KIFAP3: variants seen among roughly 807,000 people sequenced by gnomAD.
KIFAP3 encodes the protein kinesin associated protein 3, also known as kinesin-associated protein 3.
Under a neutral mutation model 106.5 loss-of-function variants are expected in KIFAP3, and 68 were observed. The observed-to-expected ratio is 0.64, with a 90% CI of 0.53 to 0.78. The LOEUF (loss-of-function observed/expected upper bound fraction) is 0.78. Ranked by LOEUF, KIFAP3 falls within the 30% of genes least tolerant of loss-of-function variation. KIFAP3 has a pLI of 0.00. For synonymous variants in KIFAP3, 320 were observed against 311.5 expected, an observed-to-expected ratio of 1.03 and a Z score of -0.29; for missense variants, 780 against 941.8, an observed-to-expected ratio of 0.83 and a Z score of 2.25.
intron 19 of KIFAP3, among the ~76,000 whole-genome samples, chr1:169,941,744 G>A (rs915090818): frequency 6.6e-6 from 1 of 152,042 alleles, no homozygotes; most frequent in Non-Finnish European, 1.5e-5. Context: ...ACTTCCAGTT[G>A]CCAACCACAA....
At position 170,074,500 on chromosome 1, in the gene KIFAP3, G is replaced by A; in HGVS notation, c.-33C>T. The A allele has an allele frequency of 3.7e-6, 6 of 1,613,838 alleles. No homozygotes were observed. The highest frequency in any genetic ancestry group is 3.4e-6 in the Non-Finnish European group (4 of 1,179,910). On this transcript the variant is annotated 5_prime_UTR_variant, in exon 1 of 20. Coordinates refer to ENST00000361580, the MANE Select transcript of KIFAP3 (RefSeq NM_014970.4). ...GCGGCAGCGGCGTGGAGAGGATGGG[G>A]TATCTTGAGAGGCAGGCGCGGTTAT...
At chr1:170,015,862 T>C (rs1024323122) in intron 10 of KIFAP3, among the ~76,000 whole-genome samples, 15 of 152,218 alleles carry the variant, frequency 9.9e-5, no homozygotes, top group African/African-American at 3.1e-4. Flanking sequence ...GACAGGTATC[T>C]TGCTGGCAGC....
intron 19 of KIFAP3, among the ~76,000 whole-genome samples, chr1:169,929,704 T>A (rs1663357210): frequency 6.6e-6 from 1 of 152,154 alleles, no homozygotes; most frequent in South Asian, 2.1e-4. Context: ...ACAATAAAAC[T>A]AAATGGCTAC....
At chr1:170,075,813 A>T (rs762548079), upstream of KIFAP3, among the ~76,000 whole-genome samples, 18 of 152,136 alleles carry the variant, frequency 1.2e-4, no homozygotes, top group Non-Finnish European at 2.2e-4. Flanking sequence ...TTCCTTCAAG[A>T]TATTCAGGTA....
At chr1:170,015,186 C>T (rs749907036) in intron 10 of KIFAP3, among the ~76,000 whole-genome samples, 1 of 152,028 alleles carries the variant, frequency 6.6e-6, no homozygotes, top group African/African-American at 2.4e-5. Context: ...TCATATGTTA[C>T]AAGGCAATTA....
chr1:169,994,728 C>T (rs1347476844), intron 10 of KIFAP3, among the ~76,000 whole-genome samples: 1 of 151,100 alleles, frequency 6.6e-6, no homozygotes, highest in Non-Finnish European at 1.5e-5. Context: ...TTTAATTTTT[C>T]CCTATGGTAT....
chr1:170,043,719 T>G (rs1279490741), intron 3 of KIFAP3, among the ~76,000 whole-genome samples: 1 of 152,036 alleles, frequency 6.6e-6, no homozygotes, highest in Non-Finnish European at 1.5e-5. Flanking sequence ...AAAACATTGA[T>G]AGGAGTAAAA....
chr1:170,026,890 GATTAAGA>G (rs1312276021), intron 8 of KIFAP3, among the ~76,000 whole-genome samples: 2 of 152,004 alleles, frequency 1.3e-5, no homozygotes, highest in South Asian at 2.1e-4. Flanking sequence ...CAAATTATAA[GATTAAGA>G]TCCAAAAGGA....
At chr1:169,931,188 G>A (rs1663455364) in intron 19 of KIFAP3, among the ~76,000 whole-genome samples, 1 of 152,036 alleles carries the variant, frequency 6.6e-6, no homozygotes, top group South Asian at 2.1e-4. Context: ...CCAAAATGCT[G>A]AGATTACAGG....
rs908562700 is a variant in KIFAP3, at chr1:170,046,593, A to G, written c.319+119T>C. ...TTTACTCATTCATAACACTGGTGAA[A>G]AAAACCTACCCAACATCAAATATCA... On this transcript the variant is annotated intron_variant, in intron 3 of 19. Transcript: ENST00000361580. 74 of 799,048 alleles carry G rather than the reference A, an allele frequency of 9.3e-5. 1 individual carries two copies. In the Middle Eastern group the frequency reaches 1.7e-3, roughly 18 times the overall value. 49.5% of individuals were successfully genotyped at this position (799,048 alleles called of 1,614,324 possible).
chr1:169,968,777 A>AT (rs943694524), intron 17 of KIFAP3, among the ~76,000 whole-genome samples: 6 of 151,658 alleles, frequency 4.0e-5, no homozygotes, highest in South Asian at 2.1e-4. Flanking sequence ...GTAAGAAATA[A>AT]TTTTTTTTCT....
Position 169,982,097 on chromosome 1 carries a change from C to T in KIFAP3, c.1673G>A (p.Gly558Asp). The T allele has an allele frequency of 6.2e-7, 1 of 1,612,086 alleles. No homozygotes were observed. The highest frequency in any genetic ancestry group is 8.5e-7 in the Non-Finnish European group (1 of 1,179,254). ...TAAAACAAGATCATCTTCTGCAGCA[C>T]CTAGTGAAGTCAAACCATAGAAAGT... ...VPYLKDKLKPGAAEDDLVLEV... is the reference protein window; with the variant it reads ...VPYLKDKLKPDAAEDDLVLEV... The change falls in exon 15 of 20, where the codon GGT (glycine) becomes GAT (aspartate). Residue 558 changes from glycine to aspartate, a missense_variant and splice_region_variant. Physicochemically the swap from Gly to Asp is moderately conservative, Grantham distance 94. Transcript: ENST00000361580.
rs991524790 is a variant in KIFAP3 at position 169,960,932 on chromosome 1, A to G, written c.2173+114T>C. 6 of 682,430 alleles carry G rather than the reference A, an allele frequency of 8.8e-6. No individual in the cohort carries two copies. In the African/African-American group the frequency reaches 1.1e-4, roughly 12 times the overall value. 42.3% of individuals were successfully genotyped at this position (682,430 alleles called of 1,614,324 possible). A position where few individuals can be genotyped will look rare whatever the true frequency, so the allele number is the denominator to read the frequency against. On this transcript the variant is annotated intron_variant, in intron 18 of 19. Coordinates refer to ENST00000361580, the MANE Select transcript of KIFAP3 (RefSeq NM_014970.4). Reference sequence around the variant, plus strand: ...ACGTTACATCTAAAATCATTAGCAGACCATTCATAAACTAAAAGAAGTGCT... The same window carrying G: ...ACGTTACATCTAAAATCATTAGCAGGCCATTCATAAACTAAAAGAAGTGCT...
chr1:169,980,489 A>AG (rs1235527672), intron 15 of KIFAP3, among the ~76,000 whole-genome samples: 4 of 152,202 alleles, frequency 2.6e-5, no homozygotes, highest in Non-Finnish European at 5.9e-5. Context: ...TATAAATGCA[A>AG]GGGGAAAACT....
chr1:169,963,247 T>A (rs1210097849), intron 17 of KIFAP3, among the ~76,000 whole-genome samples: 1 of 152,210 alleles, frequency 6.6e-6, no homozygotes, highest in African/African-American at 2.4e-5. Context: ...GATAATGGCC[T>A]CCAGCTCCAT....
In KIFAP3 at chr1:169,983,281, T is replaced by G; in HGVS notation, c.1495A>C (p.Asn499His). ...NISQHDGPTK[N>H]LFIDYVGDLA... ...AAAATGATACTTACAATAAACAGATTTTTAGTTGGTCCATCATGCTGAGAA... is the reference window on the plus strand; with the variant it reads ...AAAATGATACTTACAATAAACAGATGTTTAGTTGGTCCATCATGCTGAGAA... The change falls in exon 13 of 20, where the codon AAT (asparagine) becomes CAT (histidine). Residue 499 changes from asparagine (N) to histidine (H), a missense_variant. Transcript: ENST00000361580. The G allele has an allele frequency of 6.3e-7, 1 of 1,594,564 alleles. No homozygotes were observed. The highest frequency in any genetic ancestry group is 1.7e-5 in the Admixed American group (1 of 58,252).
chr1:170,042,299 G>A (rs1293542502), intron 3 of KIFAP3, among the ~76,000 whole-genome samples: 5 of 152,118 alleles, frequency 3.3e-5, no homozygotes, highest in Non-Finnish European at 7.4e-5. Context: ...CAGCAAGCAG[G>A]GTGATCAAAG....
Position 170,016,511 on chromosome 1 carries a change from C to T in KIFAP3, c.1134G>A (p.Arg378=), listed in dbSNP as rs768862776. The change falls in exon 10 of 20, where the codon AGG becomes AGA. Residue 378 remains arginine, a synonymous_variant. Transcript: ENST00000361580. ...LLNLSFDTGL[R]NKMVQVGLLP... ...GCAGTCCAACTTGTACCATCTTATT[C>T]CTCAGTCCTGTGTCAAAGGATAGGT... 1.2e-6 allele frequency: 2 copies of T among 1,609,898 alleles called. No homozygotes were observed. Among genetic ancestry groups the T allele is most frequent in the Non-Finnish European group, 1.7e-6 (2 of 1,178,286 alleles).
chr1:169,975,243 T>C (rs1666163655), intron 16 of KIFAP3, among the ~76,000 whole-genome samples: 1 of 152,122 alleles, frequency 6.6e-6, no homozygotes, highest in African/African-American at 2.4e-5. Context: ...AATTCTTATG[T>C]GATTGAGTCA....
Sources: allele counts gnomAD v4.1 joint callset (sites outside exome capture counted in the v4.1 genomes callset), GRCh38; gene constraint gnomAD v4.1.1; transcripts MANE v1.5; gene names NCBI Gene and HGNC (gene_info 2026-07-23, HGNC 2026-07-21).